Variants in CALN1 observed in about 807,000 individuals in gnomAD.
CALN1 encodes calneuron 1.
CALN1 carries 17 observed loss-of-function variants against 30.6 expected under a neutral mutation model. The ratio of observed to expected loss-of-function variants is 0.56; its 90% CI spans 0.38 to 0.83. The LOEUF (loss-of-function observed/expected upper bound fraction) is 0.83. Ranked by LOEUF, CALN1 falls within the 40% of genes least tolerant of loss-of-function variation. The pLI, the probability that CALN1 is intolerant of heterozygous loss-of-function variation, is 0.00. For synonymous variants in CALN1, 156 were observed against 131.4 expected, an observed-to-expected ratio of 1.19 and a Z score of -1.28; for missense variants, 291 against 354.9, an observed-to-expected ratio of 0.82 and a Z score of 1.45.
chr7:71,908,908 G>A (rs12699115), intron 5 of CALN1, among the ~76,000 whole-genome samples: 1 of 152,178 alleles, frequency 6.6e-6, no homozygotes, highest in Non-Finnish European at 1.5e-5. Context: ...GGGATCCAGG[G>A]ACGTCCTTTC....
chr7:72,087,902 C>T (rs1052795166), intron 4 of CALN1, among the ~76,000 whole-genome samples: 4 of 152,162 alleles, frequency 2.6e-5, no homozygotes, highest in Non-Finnish European at 4.4e-5. Context: ...ATGGTGCACG[C>T]CTGTAATCCC....
Position 71,868,561 on chromosome 7 carries a change from A to G in CALN1, c.502-58069T>C, listed in dbSNP as rs543830266. Among the ~76,000 whole-genome samples, 91 of 151,986 alleles carry G rather than the reference A, an allele frequency of 6.0e-4. 1 individual carries two copies. Among genetic ancestry groups the G allele is most frequent in the African/African-American group, 2.1e-3 (88 of 41,456 alleles). ...TAATTTTTGTAGTTTTAGTAGAGAC[A>G]GGGTTTCGCCACGTTAGCTGGGTTG... On this transcript the variant is annotated intron_variant, in intron 5 of 6. Coordinates refer to ENST00000395275, the MANE Select transcript of CALN1 (RefSeq NM_031468.4).
In CALN1 at chr7:72,023,641, A is replaced by G; in HGVS notation, c.501+16T>C. 6.2e-7 allele frequency: 1 copy of G among 1,602,304 alleles called. No individual in the cohort carries two copies. The highest frequency in any genetic ancestry group is 8.5e-7 in the Non-Finnish European group (1 of 1,170,518). ...TTACTGTCAAACTTAGTCTGAAAAA[A>G]AATATTCTTACTCACCTGCCAGAAT... On this transcript the variant is annotated intron_variant, in intron 5 of 6. Coordinates refer to ENST00000395275, the MANE Select transcript of CALN1 (RefSeq NM_031468.4).
chr7:72,320,026 C>A (rs953524685), intron 2 of CALN1, among the ~76,000 whole-genome samples: 1 of 152,132 alleles, frequency 6.6e-6, no homozygotes, highest in Non-Finnish European at 1.5e-5. Flanking sequence ...GGGCGTGAGA[C>A]AGGAGAATCA....
chr7:72,446,463 G>A (rs905840067), intron 1 of CALN1, among the ~76,000 whole-genome samples: 7 of 151,410 alleles, frequency 4.6e-5, no homozygotes, highest in African/African-American at 1.7e-4. Flanking sequence ...CATACAGCAA[G>A]CATTTGAAAG....
intron 5 of CALN1, among the ~76,000 whole-genome samples, chr7:71,884,120 G>T (rs1043562747): frequency 2.6e-5 from 4 of 152,024 alleles, no homozygotes; most frequent in African/African-American, 9.7e-5. Flanking sequence ...TCACCATGTT[G>T]GCCAGGATGG....
chr7:72,098,914 G>C (rs559284586), intron 4 of CALN1, among the ~76,000 whole-genome samples: 6 of 152,054 alleles, frequency 3.9e-5, no homozygotes, highest in Admixed American at 6.6e-5. Flanking sequence ...TCCGTGTCCA[G>C]GAAATCCAGG....
At chr7:72,450,998 G>C (rs1393020830), upstream of CALN1, among the ~76,000 whole-genome samples, 3 of 151,988 alleles carry the variant, frequency 2.0e-5, no homozygotes, top group Non-Finnish European at 4.4e-5. Flanking sequence ...CGGCCTTGTG[G>C]AAGCTCTGTG....
At chr7:71,877,129 C>G (rs1792293388) in intron 5 of CALN1, among the ~76,000 whole-genome samples, 2 of 151,944 alleles carry the variant, frequency 1.3e-5, no homozygotes, top group Non-Finnish European at 2.9e-5. Context: ...ATATAAATAT[C>G]AATAGACGCT....
In CALN1 at chr7:72,187,014, C is replaced by G. The variant is rs529741514; in HGVS notation, c.245-80720G>C. On this transcript the variant is annotated intron_variant, in intron 3 of 6. Transcript: ENST00000395275. ...AAGGGACAGGGCAAGTAGGGGAGTT[C>G]AGAAGATGATGAAAGTGGAACCAAT... 3.3e-5 allele frequency among the ~76,000 whole-genome samples: 5 copies of G among 149,332 alleles called. No homozygotes were observed. The South Asian group carries it at 1.1e-3, about 32-fold the overall frequency.
chr7:72,424,009 AGGAG>A (rs1447191980), intron 1 of CALN1, among the ~76,000 whole-genome samples: 1 of 139,184 alleles, frequency 7.2e-6, no homozygotes, highest in African/African-American at 2.7e-5. Context: ...GAAGGAAGGA[AGGAG>A]GGAGGGAGGA....
intron 5 of CALN1, among the ~76,000 whole-genome samples, chr7:71,933,325 C>T (rs1795659204): frequency 6.6e-6 from 1 of 152,134 alleles, no homozygotes; most frequent in South Asian, 2.1e-4. Flanking sequence ...TCTGTGGGTC[C>T]TACATAAAGA....
chr7:72,232,158 G>A (rs549847811), intron 3 of CALN1, among the ~76,000 whole-genome samples: 1 of 152,294 alleles, frequency 6.6e-6, no homozygotes. Context: ...GCCTCAGCAG[G>A]GGGAGCAGAG....
intron 2 of CALN1, among the ~76,000 whole-genome samples, chr7:72,361,780 A>G (rs1267795589): frequency 6.6e-6 from 1 of 152,216 alleles, no homozygotes; most frequent in Non-Finnish European, 1.5e-5. Context: ...GCAAAGGTTC[A>G]ATAGAAACTG....
At chr7:72,290,216 A>AT (rs1798386599) in intron 2 of CALN1, among the ~76,000 whole-genome samples, 1 of 150,644 alleles carries the variant, frequency 6.6e-6, no homozygotes. Flanking sequence ...TAGCTCCAGC[A>AT]TGTCACTGGC....
At chr7:71,804,268 G>A (rs1584254921) in intron 6 of CALN1, among the ~76,000 whole-genome samples, 1 of 152,128 alleles carries the variant, frequency 6.6e-6, no homozygotes, top group Admixed American at 6.5e-5. Context: ...CAGTCCTTTG[G>A]GAGGCTGAGG....
intron 3 of CALN1, among the ~76,000 whole-genome samples, chr7:72,153,123 T>G (rs1554457422): frequency 6.6e-6 from 1 of 152,184 alleles, no homozygotes. Context: ...GACTGGCACT[T>G]CTTGCTTAGA....
the CALN1 span, among the ~76,000 whole-genome samples, chr7:72,487,017 T>G: frequency 6.6e-6 from 1 of 152,170 alleles, no homozygotes; most frequent in African/African-American, 2.4e-5. Flanking sequence ...GTATCATGCT[T>G]TATAATCATC....
At chr7:72,242,993 T>C (rs190199724) in intron 3 of CALN1, among the ~76,000 whole-genome samples, 33 of 152,338 alleles carry the variant, frequency 2.2e-4, no homozygotes, top group African/African-American at 7.0e-4. Context: ...GATATGGATG[T>C]AGATATTCCC....
Sources: gnomAD v4.1 joint callset for allele counts (sites outside exome capture counted in the v4.1 genomes callset) on GRCh38, gnomAD v4.1.1 for gene constraint, MANE v1.5 for transcripts, NCBI Gene and HGNC (gene_info 2026-07-23, HGNC 2026-07-21) for gene names.